The following DCLK1 variants were observed in gnomAD, a reference collection of about 807,000 sequenced individuals.
DCLK1 encodes serine/threonine-protein kinase DCLK1.
A neutral mutation model predicts 86.2 loss-of-function variants in DCLK1; 16 were observed. The observed-to-expected ratio is 0.19, with a 90% CI of 0.13 to 0.28. The LOEUF is 0.28. Ranked by LOEUF, DCLK1 falls within the 10% of genes least tolerant of loss-of-function variation. The pLI is 1.00. For synonymous variants in DCLK1, 369 were observed against 370.5 expected (o/e 1.00, Z 0.05); for missense variants, 590 against 940.2 (o/e 0.63, Z 4.87).
At chr13:36,117,454 AAT>A (rs1175616852) in intron 2 of DCLK1, among the ~76,000 whole-genome samples, 4 of 152,202 alleles carry the variant, frequency 2.6e-5, no homozygotes. Flanking sequence ...GCAGCAACAA[AAT>A]AATACAAGGT....
rs1444436279 is a variant in DCLK1, at chr13:35,902,062, CA to C, written c.824-30723del. Among the ~76,000 whole-genome samples the C allele has an allele frequency of 4.8e-4, 73 of 152,156 alleles. 2 individuals are homozygous for C. The highest frequency in any genetic ancestry group is 1.7e-3 in the African/African-American group (71 of 41,430). ...ATTTGTTCTTTATCATAGTCAACAA[CA>C]AATCTAGATTTGCTTTATGCACAGG... On this transcript the variant is annotated intron_variant, in intron 4 of 16. Transcript: ENST00000360631.
intron 5 of DCLK1, chr13:35,855,445 A>G (rs1870977848): frequency 6.7e-7 from 1 of 1,487,254 alleles, no homozygotes; most frequent in Non-Finnish European, 9.2e-7. Flanking sequence ...CAGGAGACAC[A>G]TAGATTCTTG....
rs561212618 is a variant in DCLK1, at chr13:35,933,530, C to T, written c.823+13828G>A. Among the ~76,000 whole-genome samples the T allele has an allele frequency of 3.3e-5, 5 of 152,352 alleles. No homozygotes were observed. In the South Asian group the frequency reaches 1.0e-3, roughly 32 times the overall value. On this transcript the variant is annotated intron_variant, in intron 4 of 16. Coordinates refer to ENST00000360631, the MANE Select transcript of DCLK1 (RefSeq NM_001330071.2). Reference sequence around the variant, plus strand: ...CCCTCTGACATCTCGGCAGAAGTTCCCAAACCCCAATTCTTGACTTATGTG... The same window carrying T: ...CCCTCTGACATCTCGGCAGAAGTTCTCAAACCCCAATTCTTGACTTATGTG...
At position 36,125,951 on chromosome 13, in the gene DCLK1, G is replaced by C. The variant is rs770183177; in HGVS notation, c.187C>G (p.Arg63Gly). The part of the protein sequence containing the change: ...EKKAKKVRFY[R>G]NGDRYFKGIV... The stretch of plus-strand genomic sequence containing the variant: ...CCTTTGAAGTATCGATCTCCGTTTC[G>C]ATAGAAACGAACTTTCTTGGCCTTC... The change falls in exon 2 of 17, where the codon CGA becomes GGA. Residue 63 changes from arginine to glycine, a missense_variant. Physicochemically the swap from Arg to Gly is moderately radical, Grantham distance 125. Coordinates refer to ENST00000360631, the MANE Select transcript of DCLK1 (RefSeq NM_001330071.2). The C allele has an allele frequency of 2.5e-6, 4 of 1,614,198 alleles. No individual in the cohort carries two copies. The highest frequency in any genetic ancestry group is 3.4e-6 in the Non-Finnish European group (4 of 1,180,032).
chr13:35,995,547 A>T (rs999258953), intron 3 of DCLK1, among the ~76,000 whole-genome samples: 1 of 152,224 alleles, frequency 6.6e-6, no homozygotes, highest in Non-Finnish European at 1.5e-5. Flanking sequence ...ACTGAGGCCA[A>T]TTCAAATGTT....
chr13:36,108,075 TAAAA>T (rs11297157), intron 3 of DCLK1, among the ~76,000 whole-genome samples: 16,309 of 148,516 alleles, frequency 0.11, 1,379 homozygotes, highest in South Asian at 0.3. Context: ...GGCCCAGATT[TAAAA>T]AAAAAAAAAA....
chr13:35,931,973 A>G (rs779421977), intron 4 of DCLK1, among the ~76,000 whole-genome samples: 1 of 152,204 alleles, frequency 6.6e-6, no homozygotes. Context: ...CTGGGTATGT[A>G]ACTGTGATGG....
chr13:36,062,857 G>T (rs149172923), intron 3 of DCLK1, among the ~76,000 whole-genome samples: 1 of 152,300 alleles, frequency 6.6e-6, no homozygotes, highest in Non-Finnish European at 1.5e-5. Context: ...TTGACAATAT[G>T]TTCAGGTCAC....
chr13:35,995,296 T>G (rs1880419899), intron 3 of DCLK1, among the ~76,000 whole-genome samples: 1 of 152,172 alleles, frequency 6.6e-6, no homozygotes, highest in Non-Finnish European at 1.5e-5. Context: ...GTGGAGGAAA[T>G]GACTTAACAT....
intron 3 of DCLK1, among the ~76,000 whole-genome samples, chr13:36,099,170 G>A (rs947742995): frequency 3.9e-5 from 6 of 152,020 alleles, no homozygotes; most frequent in Non-Finnish European, 7.4e-5. Flanking sequence ...GTTTCACCAC[G>A]TTGGCCAGGC....
chr13:35,807,404 C>T (rs1250018924), intron 14 of DCLK1, among the ~76,000 whole-genome samples: 2 of 152,186 alleles, frequency 1.3e-5, no homozygotes, highest in Non-Finnish European at 2.9e-5. Flanking sequence ...GCCTCTAAAT[C>T]CTGGCTATTA....
At chr13:36,000,970 CAG>C (rs1287259358) in intron 3 of DCLK1, among the ~76,000 whole-genome samples, 47 of 144,628 alleles carry the variant, frequency 3.2e-4, no homozygotes, top group Admixed American at 4.2e-4. Flanking sequence ...TTTTTTGAGA[CAG>C]AGTTTCACTT....
chr13:36,092,505 G>A (rs1242961218), intron 3 of DCLK1, among the ~76,000 whole-genome samples: 1 of 44,072 alleles, frequency 2.3e-5, no homozygotes, highest in African/African-American at 9.1e-5. Flanking sequence ...TTTTTTTTTT[G>A]AGACAGAGTC....
intron 3 of DCLK1, among the ~76,000 whole-genome samples, chr13:36,058,737 G>A (rs147350346): frequency 6.6e-6 from 1 of 152,146 alleles, no homozygotes; most frequent in Non-Finnish European, 1.5e-5. Flanking sequence ...CACTGATATG[G>A]AAGGCCACTG....
At chr13:35,933,837 G>T (rs2153129652) in intron 4 of DCLK1, among the ~76,000 whole-genome samples, 1 of 152,322 alleles carries the variant, frequency 6.6e-6, no homozygotes, top group East Asian at 1.9e-4. Context: ...TGAAAATTTG[G>T]CTGCTCGTTA....
At chr13:35,826,555 GAA>G (rs1332982632) in intron 10 of DCLK1, among the ~76,000 whole-genome samples, 1 of 36,770 alleles carries the variant, frequency 2.7e-5, no homozygotes, top group African/African-American at 6.0e-5. Flanking sequence ...AAGAAAGAAA[GAA>G]AGAAACAAGT....
intron 3 of DCLK1, among the ~76,000 whole-genome samples, chr13:36,005,076 A>G (rs1458504901): frequency 6.6e-6 from 1 of 152,182 alleles, no homozygotes; most frequent in Non-Finnish European, 1.5e-5. Flanking sequence ...CTTTAATCAA[A>G]TGCCACTGTA....
chr13:35,778,598 A>C (rs1593579721), intron 16 of DCLK1, among the ~76,000 whole-genome samples: 1 of 152,274 alleles, frequency 6.6e-6, no homozygotes, highest in East Asian at 1.9e-4. Flanking sequence ...CGACCCCATC[A>C]ATAGGACATG....
intron 10 of DCLK1, among the ~76,000 whole-genome samples, chr13:35,826,554 A>AGGAGGGAGGGAGGGAGG (rs1555342394): frequency 3.6e-5 from 1 of 27,878 alleles, no homozygotes. Context: ...AAAGAAAGAA[A>AGGAGGGAGGGAGGGAGG]GAAAGAAACA....
Sources: gnomAD v4.1 joint callset for allele counts (sites outside exome capture counted in the v4.1 genomes callset) on GRCh38, gnomAD v4.1.1 for gene constraint, MANE v1.5 for transcripts, NCBI Gene and HGNC (gene_info 2026-07-23, HGNC 2026-07-21) for gene names.